Variants in CLOCK observed in about 807,000 individuals in gnomAD.
The protein encoded by CLOCK is circadian locomoter output cycles protein kaput.
CLOCK carries 43 observed loss-of-function variants against 118.4 expected under a neutral mutation model. That is an observed-to-expected ratio of 0.36 (90% CI 0.28 to 0.47). The LOEUF (loss-of-function observed/expected upper bound fraction) is 0.47. CLOCK is among the 20% of genes least tolerant of loss of function. The probability of loss-of-function intolerance (pLI) is 1.00; values close to 1 mark genes in which losing one functional copy is unlikely to be tolerated. For missense variants in CLOCK, 846 were observed against 999.9 expected, an observed-to-expected ratio of 0.85 and a Z score of 2.08; for synonymous variants, 326 against 339.2, an observed-to-expected ratio of 0.96 and a Z score of 0.43.
chr4:55,440,489 C>T (rs887661279), intron 21 of CLOCK, among the ~76,000 whole-genome samples: 1 of 152,154 alleles, frequency 6.6e-6, no homozygotes, highest in Non-Finnish European at 1.5e-5. Flanking sequence ...CATGACATAA[C>T]TGTATTTACA....
intron 3 of CLOCK, among the ~76,000 whole-genome samples, chr4:55,488,749 C>A (rs530013599): frequency 6.6e-6 from 1 of 152,128 alleles, no homozygotes; most frequent in South Asian, 2.1e-4. Context: ...TTTTTTTGTA[C>A]ACGTAAGACA....
At chr4:55,521,972 A>G (rs998413074) in intron 1 of CLOCK, among the ~76,000 whole-genome samples, 5 of 152,182 alleles carry the variant, frequency 3.3e-5, no homozygotes, top group Non-Finnish European at 7.4e-5. Flanking sequence ...AGAGATAGAG[A>G]GATCACAAAT....
intron 1 of CLOCK, among the ~76,000 whole-genome samples, chr4:55,536,204 A>G (rs566056066): frequency 6.6e-6 from 1 of 152,302 alleles, no homozygotes; most frequent in Non-Finnish European, 1.5e-5. Flanking sequence ...GACAAGACCA[A>G]TAGGCTTTGA....
At chr4:55,462,419 TG>T (rs1160261469) in intron 9 of CLOCK, among the ~76,000 whole-genome samples, 1 of 152,156 alleles carries the variant, frequency 6.6e-6, no homozygotes, top group African/African-American at 2.4e-5. Context: ...CCCAAGTAGC[TG>T]GGACTACAGG....
intron 1 of CLOCK, among the ~76,000 whole-genome samples, chr4:55,518,755 A>C (rs1729675066): frequency 6.6e-6 from 1 of 152,138 alleles, no homozygotes; most frequent in Admixed American, 6.5e-5. Context: ...TTGATTTTGG[A>C]CTTCCCAGTC....
chr4:55,536,487 G>T (rs1730902010), intron 1 of CLOCK, among the ~76,000 whole-genome samples: 1 of 152,056 alleles, frequency 6.6e-6, no homozygotes, highest in Non-Finnish European at 1.5e-5. Flanking sequence ...CACAAGATCT[G>T]GTTGTTGAAA....
chr4:55,498,049 A>G (rs1172415035), intron 2 of CLOCK, among the ~76,000 whole-genome samples: 1 of 151,716 alleles, frequency 6.6e-6, no homozygotes, highest in Non-Finnish European at 1.5e-5. Context: ...ACCTCTTAGG[A>G]AATCGGATTA....
intron 2 of CLOCK, among the ~76,000 whole-genome samples, chr4:55,498,580 T>A: frequency 6.7e-6 from 1 of 148,458 alleles, no homozygotes; most frequent in Non-Finnish European, 1.5e-5. Flanking sequence ...CTTTCAAATT[T>A]AAAAAATTGA....
chr4:55,479,005 A>C, intron 5 of CLOCK, 42 bp from the exon 6 acceptor site: 1 of 1,474,692 alleles, frequency 6.8e-7, no homozygotes, highest in Non-Finnish European at 9.3e-7. Context: ...CAATCCATTT[A>C]ATTACACAAG....
At chr4:55,544,650 G>A (rs563060775) in intron 1 of CLOCK, among the ~76,000 whole-genome samples, 2 of 152,146 alleles carry the variant, frequency 1.3e-5, no homozygotes, top group South Asian at 4.1e-4. Flanking sequence ...CCATAAATTA[G>A]GCAACAAAAA....
intron 8 of CLOCK, 89 bp from the exon 9 acceptor site, chr4:55,463,894 G>T (rs1577727054): frequency 1.5e-6 from 2 of 1,292,576 alleles, no homozygotes; most frequent in Non-Finnish European, 2.1e-6. Context: ...AAACACAGCA[G>T]TTAACTTTCA....
intron 2 of CLOCK, among the ~76,000 whole-genome samples, chr4:55,489,799 T>C (rs1200365170): frequency 2.0e-5 from 3 of 152,212 alleles, no homozygotes; most frequent in African/African-American, 4.8e-5. Context: ...TTATATGCAA[T>C]TGAAGTTAGA....
chr4:55,491,523 A>C, intron 2 of CLOCK, among the ~76,000 whole-genome samples: 1 of 151,930 alleles, frequency 6.6e-6, no homozygotes, highest in African/African-American at 2.4e-5. Flanking sequence ...ATAAAAAAGT[A>C]TTTTTTTGAG....
intron 2 of CLOCK, among the ~76,000 whole-genome samples, chr4:55,499,051 TTTTA>T (rs1205711652): frequency 6.6e-6 from 1 of 152,236 alleles, no homozygotes; most frequent in African/African-American, 2.4e-5. Context: ...TTCATATAGT[TTTTA>T]TTTTTCAGAG....
intron 7 of CLOCK, among the ~76,000 whole-genome samples, chr4:55,472,162 C>T (rs1173395838): frequency 2.0e-5 from 3 of 151,816 alleles, no homozygotes; most frequent in Non-Finnish European, 4.4e-5. Flanking sequence ...GAAAGAATGA[C>T]AAAGTGAAGA....
chr4:55,466,252 G>A (rs754228932), intron 8 of CLOCK, among the ~76,000 whole-genome samples: 1 of 151,966 alleles, frequency 6.6e-6, no homozygotes, highest in Non-Finnish European at 1.5e-5. Flanking sequence ...TCCCCTTTTG[G>A]CTCAGCACTT....
At chr4:55,459,937 A>C (rs1725211363) in intron 9 of CLOCK, among the ~76,000 whole-genome samples, 1 of 152,198 alleles carries the variant, frequency 6.6e-6, no homozygotes, top group East Asian at 1.9e-4. Flanking sequence ...TATAGGCGAG[A>C]GCCACTGCAC....
intron 12 of CLOCK, 60 bp from the exon 13 acceptor site, chr4:55,456,063 C>G: frequency 1.4e-6 from 2 of 1,423,656 alleles, no homozygotes; most frequent in South Asian, 1.2e-5. Context: ...AATATTTCAA[C>G]TAGAAATAAA....
At chr4:55,505,057 C>T (rs1415473650) in intron 2 of CLOCK, among the ~76,000 whole-genome samples, 1 of 151,782 alleles carries the variant, frequency 6.6e-6, no homozygotes, top group Non-Finnish European at 1.5e-5. Flanking sequence ...GTGGCACACA[C>T]CTGTAGTCCC....
Sources: gnomAD v4.1 joint callset for allele counts (sites outside exome capture counted in the v4.1 genomes callset) on GRCh38, gnomAD v4.1.1 for gene constraint, MANE v1.5 for transcripts, NCBI Gene and HGNC (gene_info 2026-07-23, HGNC 2026-07-21) for gene names.